Variants in RUNX1T1 observed in about 807,000 individuals in gnomAD.
RUNX1T1 encodes the protein RUNX1 partner transcriptional co-repressor 1.
A neutral mutation model predicts 62.8 loss-of-function variants in RUNX1T1; 4 were observed. The ratio of observed to expected loss-of-function variants is 0.06; its 90% CI spans 0.03 to 0.15. The LOEUF (loss-of-function observed/expected upper bound fraction) is 0.15. Ranked by LOEUF, RUNX1T1 falls within the 10% of genes least tolerant of loss-of-function variation. The probability of loss-of-function intolerance (pLI) is 1.00; values close to 1 mark genes in which losing one functional copy is unlikely to be tolerated. For synonymous variants in RUNX1T1, 291 were observed against 286.0 expected (o/e 1.02, Z -0.18); for missense variants, 508 against 754.3 (o/e 0.67, Z 3.82).
Position 91,974,180 on chromosome 8 carries a change from G to A in RUNX1T1, c.1267+1725C>T, listed in dbSNP as rs73696986. Among the ~76,000 whole-genome samples, 1,488 of 152,168 alleles carry A rather than the reference G, an allele frequency of 9.8e-3. 18 individuals carry two copies. The highest frequency in any genetic ancestry group is 0.034 in the African/African-American group (1,417 of 41,560). On this transcript the variant is annotated intron_variant, in intron 9 of 10. Coordinates refer to ENST00000396218, the Ensembl canonical transcript of RUNX1T1. ...TAGTGGAGTCAATAGATAACAATAT[G>A]CCATGTAGGAAAAAATAAACAACTG...
chr8:92,005,414 A>C, intron 4 of RUNX1T1, 117 bp from the exon 6 acceptor site: 1 of 839,158 alleles, frequency 1.2e-6, no homozygotes, highest in Non-Finnish European at 1.8e-6. Flanking sequence ...TCAAAGGTCA[A>C]ATGCATGCCA....
chr8:92,011,113 A>T, intron 3 of RUNX1T1, 22 bp from the exon 5 acceptor site: 1 of 1,282,552 alleles, frequency 7.8e-7, no homozygotes, highest in Non-Finnish European at 1.1e-6. Context: ...AATATGTAGT[A>T]TAAATACATT....
intron 2 of RUNX1T1, among the ~76,000 whole-genome samples, chr8:92,015,165 C>T (rs1822750406): frequency 6.6e-6 from 1 of 152,172 alleles, no homozygotes; most frequent in Admixed American, 6.5e-5. Flanking sequence ...CTTTTTGTCG[C>T]AGGCTTACAT....
chr8:92,011,740 C>T lies in RUNX1T1; in HGVS notation c.388-649G>A, dbSNP rs1361467538. On this transcript the variant is annotated intron_variant, in intron 3 of 10. Transcript: ENST00000396218. The stretch of plus-strand genomic sequence containing the variant: ...GAAGACATTCCACTTATCCTAGAGG[C>T]AACTGCTTGACCCAAACAAGACTAA... Among the ~76,000 whole-genome samples, 11 of 152,118 alleles carry T rather than the reference C, an allele frequency of 7.2e-5. No homozygotes were observed. In the East Asian group the frequency reaches 2.1e-3, roughly 29 times the overall value.
At chr8:92,091,529 T>C (rs750058209) in intron 1 of RUNX1T1, among the ~76,000 whole-genome samples, 17 of 152,230 alleles carry the variant, frequency 1.1e-4, no homozygotes, top group Non-Finnish European at 2.4e-4. Flanking sequence ...ATCTCCCCTG[T>C]TGGTGTCATG....
chr8:92,101,545 T>C (rs745629760), upstream of RUNX1T1, among the ~76,000 whole-genome samples: 10 of 152,112 alleles, frequency 6.6e-5, no homozygotes, highest in South Asian at 4.1e-4. Context: ...TGGTGCCCAG[T>C]CTTCAAGGGT....
chr8:92,053,659 T>C (rs1360684074), intron 1 of RUNX1T1, among the ~76,000 whole-genome samples: 3 of 152,236 alleles, frequency 2.0e-5, no homozygotes, highest in Non-Finnish European at 4.4e-5. Context: ...AAAGACCACT[T>C]ACTGAAAATT....
chr8:92,060,661 T>C (rs1352208233), intron 1 of RUNX1T1, among the ~76,000 whole-genome samples: 1 of 150,558 alleles, frequency 6.6e-6, no homozygotes, highest in Admixed American at 6.6e-5. Flanking sequence ...CTTCTACACA[T>C]AATGTCTTAC....
intron 2 of RUNX1T1, among the ~76,000 whole-genome samples, chr8:92,016,133 A>C (rs915389333): frequency 6.6e-6 from 1 of 152,218 alleles, no homozygotes; most frequent in African/African-American, 2.4e-5. Context: ...AAATAGCTGC[A>C]ACCGATAACA....
In RUNX1T1 at chr8:91,978,126, C is replaced by T. The variant is rs187385254; in HGVS notation, c.1199-2153G>A. On this transcript the variant is annotated intron_variant, in intron 8 of 10. Transcript: ENST00000396218. ...AATAGTCAATCATTATGATAAAGAA[C>T]AGGAAAGGTAATGTTTAGGTATCCA... 5.9e-5 allele frequency among the ~76,000 whole-genome samples: 9 copies of T among 152,082 alleles called. No homozygotes were observed. In the East Asian group the frequency reaches 7.8e-4, roughly 13 times the overall value.
chr8:92,017,055 T>C (rs565301956), intron 2 of RUNX1T1, among the ~76,000 whole-genome samples, 171 bp downstream of exon 3: 1 of 152,352 alleles, frequency 6.6e-6, no homozygotes, highest in Non-Finnish European at 1.5e-5. Flanking sequence ...ACCTAAGCTA[T>C]GATACTTCTG....
chr8:92,102,916 T>C, upstream of RUNX1T1: 1 of 1,511,704 alleles, frequency 6.6e-7, no homozygotes, highest in Non-Finnish European at 8.8e-7. This position sits in a 1 kb window ranked among gnomAD's most constrained non-coding sequence, Gnocchi z 4.5. Flanking sequence ...AAATAAAACT[T>C]CCCGTCGTCT....
At chr8:92,064,968 T>C (rs1269270220), upstream of RUNX1T1, among the ~76,000 whole-genome samples, 1 of 152,204 alleles carries the variant, frequency 6.6e-6, no homozygotes, top group African/African-American at 2.4e-5. Context: ...GATTCTCACC[T>C]AGAAGTCTGA....
intron 5 of RUNX1T1, among the ~76,000 whole-genome samples, chr8:91,992,373 T>C (rs972405515): frequency 3.9e-5 from 6 of 152,176 alleles, no homozygotes; most frequent in Non-Finnish European, 5.9e-5. Context: ...TCCAATACAG[T>C]AGCTACATGT....
rs377396273 is a variant in RUNX1T1 at position 92,027,233 on chromosome 8, T to A, written c.8-9870A>T. On this transcript the variant is annotated intron_variant, in intron 1 of 10. Transcript: ENST00000396218. ...TTAAGATTAAATAAAATTTAAAATT[T>A]CGTTTCTCAGTCACACTAGCTGCAT... Among the ~76,000 whole-genome samples the A allele has an allele frequency of 4.1e-4, 63 of 152,346 alleles. No individual in the cohort carries two copies. In the East Asian group the frequency reaches 0.012, roughly 28 times the overall value.
chr8:92,026,385 C>G (rs1214060077), intron 1 of RUNX1T1, among the ~76,000 whole-genome samples: 1 of 152,210 alleles, frequency 6.6e-6, no homozygotes, highest in Non-Finnish European at 1.5e-5. Context: ...AAAATTTGCC[C>G]AAGGTTTTAA....
intron 10 of RUNX1T1, among the ~76,000 whole-genome samples, chr8:91,969,823 T>C (rs910784563): frequency 4.6e-5 from 7 of 152,194 alleles, no homozygotes; most frequent in Admixed American, 6.5e-5. Flanking sequence ...GTCCATGCCA[T>C]TGTGAGTTCG....
At chr8:92,015,468 C>T (rs575919573) in intron 2 of RUNX1T1, among the ~76,000 whole-genome samples, 2 of 152,258 alleles carry the variant, frequency 1.3e-5, no homozygotes, top group South Asian at 4.1e-4. Flanking sequence ...AAAAGGGACA[C>T]CTAAATCCAG....
intron 1 of RUNX1T1, among the ~76,000 whole-genome samples, chr8:92,082,106 C>T (rs1251767307): frequency 2.0e-5 from 3 of 152,144 alleles, no homozygotes; most frequent in East Asian, 1.9e-4. Flanking sequence ...AGGATGGTCT[C>T]GATCTCCTGA....
Sources: gnomAD v4.1 joint callset for allele counts (sites outside exome capture counted in the v4.1 genomes callset) on GRCh38, gnomAD v4.1.1 for gene constraint, Gnocchi (gnomAD v3.1) non-coding constraint, MANE v1.5 for transcripts, NCBI Gene and HGNC (gene_info 2026-07-23, HGNC 2026-07-21) for gene names.